Variants in KCNQ1 observed in about 807,000 individuals in gnomAD.
KCNQ1 encodes the protein potassium voltage-gated channel subfamily Q member 1.
Under a neutral mutation model 72.4 loss-of-function variants are expected in KCNQ1, and 49 were observed. The ratio of observed to expected loss-of-function variants is 0.68; its 90% confidence interval spans 0.54 to 0.86. KCNQ1 has a LOEUF of 0.86. KCNQ1 is among the 40% of genes least tolerant of loss of function. The pLI, the probability that KCNQ1 is intolerant of heterozygous loss-of-function variation, is 0.00. For missense variants in KCNQ1, 790 were observed against 945.1 expected (o/e 0.84, Z 2.15); for synonymous variants, 450 against 412.6 (o/e 1.09, Z -1.10).
At chr11:2,528,159 G>C in intron 2 of KCNQ1, 141 bp downstream of exon 2, 1 of 775,032 alleles carries the variant, frequency 1.3e-6, no homozygotes, top group Admixed American at 1.9e-5. Flanking sequence ...GATACAGGGG[G>C]CACCTCCCCA....
intron 15 of KCNQ1, among the ~76,000 whole-genome samples, chr11:2,778,463 G>T (rs1412672092): frequency 1.3e-5 from 2 of 152,200 alleles, no homozygotes; most frequent in Non-Finnish European, 2.9e-5. Flanking sequence ...GGCCGGCCGA[G>T]GGCTCAGGGA....
chr11:2,479,206 A>G lies in KCNQ1; in HGVS notation c.386+33722A>G, dbSNP rs995751933. On this transcript the variant is annotated intron_variant, in intron 1 of 15. Coordinates refer to ENST00000155840, the MANE Select transcript of KCNQ1 (RefSeq NM_000218.3). This position sits in a 1 kb window ranked among gnomAD's most constrained non-coding sequence, Gnocchi z 4.6. The stretch of plus-strand genomic sequence containing the variant: ...CATGGTGCAAGCTGTTGATGGATCT[A>G]TCATTCTGGGATCTGGAGGACAGTG... Among the ~76,000 whole-genome samples the G allele has an allele frequency of 1.3e-5, 2 of 152,178 alleles. No individual in the cohort carries two copies. The highest frequency in any genetic ancestry group is 6.5e-5 in the Admixed American group (1 of 15,278).
rs1297397684 is a variant in KCNQ1 at position 2,550,385 on chromosome 11, G to A, written c.478-20243G>A. 6.6e-6 allele frequency among the ~76,000 whole-genome samples: 1 copy of A among 152,194 alleles called. No homozygotes were observed. Among genetic ancestry groups the A allele is most frequent in the East Asian group, 1.9e-4 (1 of 5,188 alleles). On this transcript the variant is annotated intron_variant, in intron 2 of 15. Transcript: ENST00000155840. The surrounding 1 kb of genome is among the most constrained non-coding windows in gnomAD (Gnocchi z 6.0). The stretch of plus-strand genomic sequence containing the variant: ...GGTCCCTCTGGGGGTTGAATGAAAA[G>A]GCATAGGTAGAAGGTGGGAGAAGCC...
Position 2,588,103 on chromosome 11 carries a change from G to A in KCNQ1, c.1251+411G>A, listed in dbSNP as rs907961307. Among the ~76,000 whole-genome samples, 2 of 152,078 alleles carry A rather than the reference G, an allele frequency of 1.3e-5. No individual in the cohort carries two copies. Among genetic ancestry groups the A allele is most frequent in the Non-Finnish European group, 2.9e-5 (2 of 67,998 alleles). On this transcript the variant is annotated intron_variant, in intron 9 of 15. Transcript: ENST00000155840. This position sits in a 1 kb window ranked among gnomAD's most constrained non-coding sequence, Gnocchi z 5.6. The stretch of plus-strand genomic sequence containing the variant: ...GAGGGAGGTGAGGCAGGGGTGCAGC[G>A]AAGGGGGTCTGGAGGTCACAGGGCA...
rs1847428876 is a variant in KCNQ1, at chr11:2,808,850, A to G, written c.1794+30813A>G. ...GGATGGACAGATTGTTGTATGGAGG[A>G]TTAGGGGAGGGATAAATGGATGGAT... is the stretch of plus-strand genomic sequence containing the variant. On this transcript the variant is annotated intron_variant, in intron 15 of 15. Transcript: ENST00000155840. This position sits in a 1 kb window ranked among gnomAD's most constrained non-coding sequence, Gnocchi z 6.0. Among the ~76,000 whole-genome samples, 1 of 152,046 alleles carries G rather than the reference A, an allele frequency of 6.6e-6. No homozygotes were observed. Among genetic ancestry groups the G allele is most frequent in the African/African-American group, 2.4e-5 (1 of 41,388 alleles).
intron 10 of KCNQ1, chr11:2,628,839 C>T (rs1450818522): frequency 5.0e-6 from 2 of 398,146 alleles, no homozygotes; most frequent in Non-Finnish European, 8.9e-6. Flanking sequence ...ATGTGGATAT[C>T]CTGGTTTCAC....
rs1589939444 is a variant in KCNQ1, at chr11:2,541,022, C to T, written c.477+13004C>T. ...GCACGGATGGGCGTGTGGACGTATG[C>T]ACACATAGGTACCCATGTGGACACA... On this transcript the variant is annotated intron_variant, in intron 2 of 15. Coordinates refer to ENST00000155840, the MANE Select transcript of KCNQ1 (RefSeq NM_000218.3). The surrounding 1 kb of genome is among the most constrained non-coding windows in gnomAD (Gnocchi z 4.8). 6.6e-6 allele frequency among the ~76,000 whole-genome samples: 1 copy of T among 152,238 alleles called. No homozygotes were observed. Among genetic ancestry groups the T allele is most frequent in the South Asian group, 2.1e-4 (1 of 4,836 alleles).
At chr11:2,825,712 C>T (rs7131198) in intron 15 of KCNQ1, among the ~76,000 whole-genome samples, 2,302 of 152,354 alleles carry the variant, frequency 0.015, 62 homozygotes, top group African/African-American at 0.052. Flanking sequence ...CGCGGAGCTG[C>T]GCGGGGGCAG....
chr11:2,770,851 G>A (rs1181883742), intron 12 of KCNQ1, among the ~76,000 whole-genome samples: 5 of 152,234 alleles, frequency 3.3e-5, no homozygotes, highest in African/African-American at 1.2e-4. Flanking sequence ...CCAGCCTCCT[G>A]GCAGCACCAG....
Position 2,526,994 on chromosome 11 carries a change from G to A in KCNQ1, c.387-934G>A, listed in dbSNP as rs957360739. ...ATCCACGGGGGTCCCTGGAGTCTCC[G>A]GAGCCCGTGGGAATCCCCCTAGAGG... On this transcript the variant is annotated intron_variant, in intron 1 of 15. Coordinates refer to ENST00000155840, the MANE Select transcript of KCNQ1 (RefSeq NM_000218.3). This position sits in a 1 kb window ranked among gnomAD's most constrained non-coding sequence, Gnocchi z 6.1. 5.9e-5 allele frequency among the ~76,000 whole-genome samples: 9 copies of A among 152,136 alleles called. No homozygotes were observed. Among genetic ancestry groups the A allele is most frequent in the African/African-American group, 1.4e-4 (6 of 41,416 alleles).
intron 15 of KCNQ1, among the ~76,000 whole-genome samples, 187 bp downstream of exon 15, chr11:2,778,224 G>A (rs1208118647): frequency 6.6e-6 from 1 of 152,226 alleles, no homozygotes; most frequent in African/African-American, 2.4e-5. Flanking sequence ...CGGGGCATTG[G>A]TCCCCCATGG....
intron 15 of KCNQ1, among the ~76,000 whole-genome samples, chr11:2,804,636 A>G (rs1847337198): frequency 6.7e-6 from 1 of 150,324 alleles, no homozygotes; most frequent in Non-Finnish European, 1.5e-5. Context: ...TGATATTTCT[A>G]AAGGCAAAAG....
At chr11:2,718,182 C>T (rs1007326471) in intron 11 of KCNQ1, among the ~76,000 whole-genome samples, 7 of 152,172 alleles carry the variant, frequency 4.6e-5, no homozygotes, top group African/African-American at 1.7e-4. Context: ...GCCCAGAGGC[C>T]CTCCCCTGAC....
intron 12 of KCNQ1, among the ~76,000 whole-genome samples, chr11:2,775,461 C>T (rs575359619): frequency 6.7e-4 from 102 of 152,216 alleles, no homozygotes; most frequent in Non-Finnish European, 1.3e-3. Context: ...CTGCCAGGAA[C>T]GATGCAGAGG....
In KCNQ1 at chr11:2,808,715, C is replaced by A. The variant is rs1180193112; in HGVS notation, c.1794+30678C>A. Among the ~76,000 whole-genome samples, 1 of 152,124 alleles carries A rather than the reference C, an allele frequency of 6.6e-6. No homozygotes were observed. The highest frequency in any genetic ancestry group is 2.1e-4 in the South Asian group (1 of 4,816). On this transcript the variant is annotated intron_variant, in intron 15 of 15. Coordinates refer to ENST00000155840, the MANE Select transcript of KCNQ1 (RefSeq NM_000218.3). This position sits in a 1 kb window ranked among gnomAD's most constrained non-coding sequence, Gnocchi z 6.0. ...GACCATGCCCCCTTTCCCTAGGATA[C>A]CCCTTGTTATCCTAGAAATACCCAT...
chr11:2,687,270 T>C lies in KCNQ1; in HGVS notation c.1514+25189T>C, dbSNP rs1385707657. 2 of 398,602 alleles carry C rather than the reference T, an allele frequency of 5.0e-6. No individual in the cohort carries two copies. Among genetic ancestry groups the C allele is most frequent in the Non-Finnish European group, 8.8e-6 (2 of 226,116 alleles). 24.7% of individuals were successfully genotyped at this position (398,602 alleles called of 1,614,324 possible). A position where few individuals can be genotyped will look rare whatever the true frequency, so the allele number is the denominator to read the frequency against. Reference sequence around the variant, plus strand: ...CTACCAGCTCCGGGCTTCTCTCCTCTGGCCTCCCACCTTGCAGCTTTGAGA... The same window carrying C: ...CTACCAGCTCCGGGCTTCTCTCCTCCGGCCTCCCACCTTGCAGCTTTGAGA... On this transcript the variant is annotated intron_variant, in intron 11 of 15. Transcript: ENST00000155840. This position sits in a 1 kb window ranked among gnomAD's most constrained non-coding sequence, Gnocchi z 5.0.
In KCNQ1 at chr11:2,848,568, C is replaced by T. The variant is rs1454857611; in HGVS notation, c.*565C>T. 2.2e-6 allele frequency: 1 copy of T among 454,200 alleles called. No homozygotes were observed. The highest frequency in any genetic ancestry group is 6.9e-5 in the East Asian group (1 of 14,412). 28.1% of individuals were successfully genotyped at this position (454,200 alleles called of 1,614,324 possible). A position where few individuals can be genotyped will look rare whatever the true frequency, so the allele number is the denominator to read the frequency against. On this transcript the variant is annotated 3_prime_UTR_variant, in exon 16 of 16. Coordinates refer to ENST00000155840, the MANE Select transcript of KCNQ1 (RefSeq NM_000218.3). ...GAAATGCTGACCCATGGGCAGGAGA[C>T]TGTGGAGACTGCTCCTGAGCCCCCA... is the stretch of plus-strand genomic sequence containing the variant.
intron 2 of KCNQ1, among the ~76,000 whole-genome samples, chr11:2,540,324 T>A (rs1408376728): frequency 6.6e-6 from 1 of 152,186 alleles, no homozygotes; most frequent in East Asian, 1.9e-4. Context: ...CCGTGCACCA[T>A]TGAAGTGTGT....
chr11:2,807,425 G>T (rs1564900671), intron 15 of KCNQ1, among the ~76,000 whole-genome samples: 1 of 152,210 alleles, frequency 6.6e-6, no homozygotes, highest in Non-Finnish European at 1.5e-5. Flanking sequence ...TGCCGCCCGC[G>T]GTCGCTGCAC....
Sources: gnomAD v4.1 joint callset for allele counts (sites outside exome capture counted in the v4.1 genomes callset) on GRCh38, gnomAD v4.1.1 for gene constraint, Gnocchi (gnomAD v3.1) non-coding constraint, MANE v1.5 for transcripts, NCBI Gene and HGNC (gene_info 2026-07-23, HGNC 2026-07-21) for gene names.